REEP1: variants seen among roughly 807,000 people sequenced by gnomAD.
The protein encoded by REEP1 is receptor expression-enhancing protein 1.
Under a neutral mutation model 40.3 loss-of-function variants are expected in REEP1, and 22 were observed. The ratio of observed to expected loss-of-function variants is 0.55; its 90% CI spans 0.39 to 0.78. REEP1 has a LOEUF of 0.78. REEP1 is among the 30% of genes least tolerant of loss of function. The pLI, the probability that REEP1 is intolerant of heterozygous loss-of-function variation, is 0.00. For missense variants in REEP1, 280 were observed against 361.1 expected, an observed-to-expected ratio of 0.78 and a Z score of 1.82; for synonymous variants, 116 against 139.2, an observed-to-expected ratio of 0.83 and a Z score of 1.17.
intron 2 of REEP1, among the ~76,000 whole-genome samples, chr2:86,276,978 G>A (rs913357232): frequency 3.9e-5 from 6 of 152,194 alleles, no homozygotes; most frequent in Non-Finnish European, 8.8e-5. Flanking sequence ...TCTGATCTCT[G>A]CTTCTTAATG....
chr2:86,235,191 C>T (rs137858777), intron 5 of REEP1, among the ~76,000 whole-genome samples: 18 of 152,298 alleles, frequency 1.2e-4, no homozygotes, highest in African/African-American at 3.9e-4. Flanking sequence ...AAGCGGAGAA[C>T]GACAAATGTA....
At chr2:86,316,768 A>G (rs1165041640) in intron 1 of REEP1, among the ~76,000 whole-genome samples, 3 of 151,902 alleles carry the variant, frequency 2.0e-5, no homozygotes, top group Non-Finnish European at 2.9e-5. Flanking sequence ...CTGAAGCAGG[A>G]GAATCACTTG....
chr2:86,274,803 A>G (rs1420045588), intron 2 of REEP1, among the ~76,000 whole-genome samples: 1 of 152,116 alleles, frequency 6.6e-6, no homozygotes, highest in East Asian at 1.9e-4. Context: ...ACTGGTCAGG[A>G]GCAGGATCTA....
At chr2:86,289,849 A>G (rs886687141) in intron 1 of REEP1, among the ~76,000 whole-genome samples, 5 of 152,204 alleles carry the variant, frequency 3.3e-5, no homozygotes, top group Non-Finnish European at 5.9e-5. Flanking sequence ...CATGGTATAT[A>G]GGAATGCTAC....
At position 86,261,848 on chromosome 2, in the gene REEP1, G is replaced by A. The variant is rs186547702; in HGVS notation, c.182+2117C>T. Among the ~76,000 whole-genome samples the A allele has an allele frequency of 2.5e-3, 376 of 152,378 alleles. 3 individuals are homozygous for A. Among genetic ancestry groups the A allele is most frequent in the African/African-American group, 8.6e-3 (358 of 41,596 alleles). ...GTCTCGGTATAAAACCCGATTGTAC[G>A]TTCCATCTACTGAGATAGGGAAAAA... On this transcript the variant is annotated intron_variant, in intron 3 of 8. Transcript: ENST00000538924.
intron 1 of REEP1, among the ~76,000 whole-genome samples, chr2:86,306,942 T>C (rs1003161175): frequency 1.1e-4 from 16 of 151,514 alleles, no homozygotes; most frequent in African/African-American, 3.6e-4. Flanking sequence ...CAGTGGCTCA[T>C]GCCTGGAATC....
At chr2:86,227,325 A>G in intron 7 of REEP1, 38 bp downstream of exon 7, 1 of 1,231,826 alleles carries the variant, frequency 8.1e-7, no homozygotes, top group Non-Finnish European at 1.0e-6. Context: ...TCCGAGTGAG[A>G]GTCCAGCACG....
intron 5 of REEP1, among the ~76,000 whole-genome samples, chr2:86,239,337 C>G (rs565182716): frequency 4.0e-5 from 6 of 150,954 alleles, no homozygotes; most frequent in Non-Finnish European, 7.4e-5. Flanking sequence ...ATGAGGTCCT[C>G]TTTTCCAGAG....
At chr2:86,259,245 G>A (rs549977967) in intron 3 of REEP1, among the ~76,000 whole-genome samples, 30 of 141,650 alleles carry the variant, frequency 2.1e-4, no homozygotes, top group African/African-American at 5.1e-4. Flanking sequence ...AGCCAAGATC[G>A]CACCACTGCA....
At chr2:86,279,300 A>C (rs1287373346) in intron 2 of REEP1, among the ~76,000 whole-genome samples, 2 of 152,250 alleles carry the variant, frequency 1.3e-5, no homozygotes, top group Non-Finnish European at 2.9e-5. Flanking sequence ...AGCAAGATTG[A>C]GAAGGGTGTT....
At chr2:86,303,906 C>A (rs940434834) in intron 1 of REEP1, among the ~76,000 whole-genome samples, 1 of 152,072 alleles carries the variant, frequency 6.6e-6, no homozygotes, top group African/African-American at 2.4e-5. Context: ...ACCCCCAGAG[C>A]ACATCTGACA....
intron 1 of REEP1, among the ~76,000 whole-genome samples, chr2:86,322,599 T>C (rs4832035): frequency 0.96 from 146,399 of 152,064 alleles, 70,564 homozygotes; most frequent in East Asian, 1. Context: ...CACAGGTGTG[T>C]GCCACCATGC....
At chr2:86,250,094 G>C (rs1011208434) in intron 5 of REEP1, among the ~76,000 whole-genome samples, 1 of 152,166 alleles carries the variant, frequency 6.6e-6, no homozygotes, top group South Asian at 2.1e-4. Flanking sequence ...CGGGCTTCCC[G>C]GGTGGTTAGG....
intron 1 of REEP1, among the ~76,000 whole-genome samples, chr2:86,303,623 C>T (rs1342537044): frequency 6.6e-6 from 1 of 152,112 alleles, no homozygotes; most frequent in African/African-American, 2.4e-5. Flanking sequence ...CCTTGGCCTC[C>T]CAAAGTGCTA....
intron 5 of REEP1, among the ~76,000 whole-genome samples, chr2:86,241,396 T>C (rs1675659487): frequency 6.6e-6 from 1 of 152,170 alleles, no homozygotes; most frequent in Non-Finnish European, 1.5e-5. Context: ...GACAGGTACT[T>C]GTGATCCTCA....
rs1558916457 is a variant in REEP1, at chr2:86,288,032, A to ATTTTTTTTTTTTTTTTTTTTTT, written c.33-5791_33-5790insAAAAAAAAAAAAAAAAAAAAAA. Among the ~76,000 whole-genome samples, 729 of 149,516 alleles carry ATTTTTTTTTTTTTTTTTTTTTT rather than the reference A, an allele frequency of 4.9e-3. 39 individuals carry two copies. The highest frequency in any genetic ancestry group is 0.017 in the African/African-American group (677 of 39,172). ...TAAAATTATTTATTTTATTTTTATTATTTTTTTGAGATGGAGTCTCGCTCC... is the reference window on the plus strand; with the variant it reads ...TAAAATTATTTATTTTATTTTTATTATTTTTTTTTTTTTTTTTTTTTTTTTTTTTGAGATGGAGTCTCGCTCC... On this transcript the variant is annotated intron_variant, in intron 1 of 8. Coordinates refer to ENST00000538924, the MANE Select transcript of REEP1 (RefSeq NM_001371279.1).
intron 1 of REEP1, among the ~76,000 whole-genome samples, chr2:86,322,494 C>A (rs1680311199): frequency 6.6e-6 from 1 of 152,172 alleles, no homozygotes; most frequent in African/African-American, 2.4e-5. Context: ...ATCTTTCAAC[C>A]TCAGCCTCCT....
intron 1 of REEP1, among the ~76,000 whole-genome samples, chr2:86,325,556 T>C (rs1381707938): frequency 1.3e-5 from 2 of 152,172 alleles, no homozygotes; most frequent in Non-Finnish European, 2.9e-5. Context: ...TAAATGTGAT[T>C]AAATGTAATC....
At chr2:86,313,382 A>G (rs6738718) in intron 1 of REEP1, among the ~76,000 whole-genome samples, 149,765 of 151,808 alleles carry the variant, frequency 0.99, 73,895 homozygotes, top group East Asian at 1. Context: ...CTTTCTGCTA[A>G]GTTGTTGGGC....
Sources: gnomAD v4.1 joint callset for allele counts (sites outside exome capture counted in the v4.1 genomes callset) on GRCh38, gnomAD v4.1.1 for gene constraint, MANE v1.5 for transcripts, NCBI Gene and HGNC (gene_info 2026-07-23, HGNC 2026-07-21) for gene names.